IRAG2: variants seen among roughly 807,000 people sequenced by gnomAD.
IRAG2 encodes inositol 1,4,5-triphosphate receptor associated 2, also known as lymphoid restricted membrane protein.
IRAG2 carries 45 observed loss-of-function variants against 69.9 expected under a neutral mutation model. That is an observed-to-expected ratio of 0.64 (90% CI 0.51 to 0.83). The LOEUF (loss-of-function observed/expected upper bound fraction) is 0.83. Ranked by LOEUF, IRAG2 falls within the 40% of genes least tolerant of loss-of-function variation. The pLI, the probability that IRAG2 is intolerant of heterozygous loss-of-function variation, is 0.00. For missense variants in IRAG2, 520 were observed against 587.0 expected, an observed-to-expected ratio of 0.89 and a Z score of 1.18; for synonymous variants, 193 against 202.4, an observed-to-expected ratio of 0.95 and a Z score of 0.40.
intron 5 of IRAG2, 84 bp from the exon 6 acceptor site, chr12:25,069,266 A>G (rs1946174861): frequency 3.2e-6 from 2 of 633,394 alleles, no homozygotes; most frequent in Admixed American, 5.7e-5. Flanking sequence ...GGCGTAGGGG[A>G]GTGAGAACCA....
intron 3 of IRAG2, among the ~76,000 whole-genome samples, chr12:25,012,777 G>A (rs1057006274): frequency 6.6e-6 from 1 of 152,140 alleles, no homozygotes; most frequent in Non-Finnish European, 1.5e-5. Context: ...GAAGTGAGCC[G>A]AGATCGTGCC....
At chr12:25,046,644 A>G (rs1319562570) in intron 16 of IRAG2, among the ~76,000 whole-genome samples, 1 of 152,156 alleles carries the variant, frequency 6.6e-6, no homozygotes, top group African/African-American at 2.4e-5. Context: ...ACATATAATA[A>G]AAACTACAAA....
chr12:25,012,752 T>C (rs886194557), intron 3 of IRAG2, among the ~76,000 whole-genome samples: 2 of 152,030 alleles, frequency 1.3e-5, no homozygotes, highest in African/African-American at 4.8e-5. Context: ...TGCTTGAACC[T>C]GGGAGGTGGA....
chr12:25,043,768 G>A (rs1255085726), intron 16 of IRAG2, among the ~76,000 whole-genome samples: 1 of 152,198 alleles, frequency 6.6e-6, no homozygotes, highest in Non-Finnish European at 1.5e-5. Context: ...ACCAGTATGT[G>A]AAGACTGGGA....
intron 16 of IRAG2, among the ~76,000 whole-genome samples, chr12:25,101,560 G>A (rs1948749894): frequency 6.6e-6 from 1 of 152,292 alleles, no homozygotes; most frequent in Middle Eastern, 3.4e-3. Context: ...TTAGATTACT[G>A]AGATGACAGA....
chr12:25,079,463 G>A lies in IRAG2; in HGVS notation c.136+1G>A. 6.2e-7 allele frequency: 1 copy of A among 1,610,926 alleles called. No homozygotes were observed. The highest frequency in any genetic ancestry group is 1.1e-5 in the South Asian group (1 of 91,000). Reference sequence around the variant, plus strand: ...ACAGACGGTACTATAACTTCAAGTGGTAAGTGGATTTGGAAATAATATTAA... The same window carrying A: ...ACAGACGGTACTATAACTTCAAGTGATAAGTGGATTTGGAAATAATATTAA... On this transcript the variant is annotated splice_donor_variant, in intron 8 of 21. Transcript: ENST00000556887. LOFTEE classifies it high-confidence loss of function.
rs776741440 is a variant in IRAG2 at position 25,101,185 on chromosome 12, G to A, written c.749G>A (p.Arg250Gln). ...CGTTTTTTCTCTTGCTAGGAAAGCC[G>A]GGTTAGTAAAGCAGTTGAAGTGATG... ...EMLGAINQES[R>Q]VSKAVEVMIQ... Residue 250 changes from arginine (R) to glutamine (Q), a missense_variant, in exon 16 of 22, where the codon CGG (arginine) becomes CAG (glutamine). Arg to Gln is a conservative substitution (Grantham distance 43, BLOSUM62 1). Transcript: ENST00000556887. 6.9e-6 allele frequency: 11 copies of A among 1,595,352 alleles called. No homozygotes were observed. The African/African-American group carries it at 1.1e-4, about 16-fold the overall frequency.
intron 3 of IRAG2, chr12:25,011,560 A>G (rs1205191611): frequency 1.1e-5 from 13 of 1,228,600 alleles, no homozygotes; most frequent in Non-Finnish European, 1.3e-5. Flanking sequence ...TGGTAATCAG[A>G]GTCCTAGTGG....
chr12:25,012,579 G>A (rs996808510), intron 3 of IRAG2, among the ~76,000 whole-genome samples: 1 of 152,108 alleles, frequency 6.6e-6, no homozygotes, highest in African/African-American at 2.4e-5. Context: ...TGTAATCCCA[G>A]CATTTTGGGA....
At chr12:25,057,252 A>ATTTTTTTTT (rs368710047) in intron 1 of IRAG2, among the ~76,000 whole-genome samples, 4 of 89,048 alleles carry the variant, frequency 4.5e-5, no homozygotes, top group Admixed American at 1.7e-4. Flanking sequence ...AGGTAGACAG[A>ATTTTTTTTT]TTTTTTTTTT....
chr12:25,105,473 T>C (rs1054090638), intron 20 of IRAG2, among the ~76,000 whole-genome samples: 1 of 152,210 alleles, frequency 6.6e-6, no homozygotes, highest in Non-Finnish European at 1.5e-5. Context: ...TACCATGGGA[T>C]GGACACTCTG....
intron 2 of IRAG2, among the ~76,000 whole-genome samples, chr12:25,008,244 G>T (rs552474715): frequency 1.3e-5 from 2 of 152,230 alleles, no homozygotes; most frequent in East Asian, 3.9e-4. Context: ...TGCTATACTG[G>T]TGTCCTGAAG....
upstream of IRAG2, chr12:25,052,089 GTAAA>G: frequency 2.6e-6 from 1 of 387,312 alleles, no homozygotes; most frequent in Non-Finnish European, 4.5e-6. Flanking sequence ...GCATTTATAT[GTAAA>G]TACTTTCACT....
At chr12:25,058,583 G>A (rs947934541) in intron 1 of IRAG2, among the ~76,000 whole-genome samples, 2 of 152,090 alleles carry the variant, frequency 1.3e-5, no homozygotes, top group African/African-American at 2.4e-5. Flanking sequence ...TACAAGCCCC[G>A]TACTCTATAA....
chr12:25,042,566 A>G (rs186572096), intron 16 of IRAG2, among the ~76,000 whole-genome samples: 46 of 152,104 alleles, frequency 3.0e-4, no homozygotes, highest in African/African-American at 1.0e-3. Context: ...CCCAGGTTCA[A>G]GTGATTCTCC....
At chr12:25,023,422 T>C (rs1944598540) in intron 7 of IRAG2, among the ~76,000 whole-genome samples, 1 of 152,036 alleles carries the variant, frequency 6.6e-6, no homozygotes, top group Admixed American at 6.6e-5. Flanking sequence ...TTTCTGATGG[T>C]TCTGAATTTG....
intron 20 of IRAG2, among the ~76,000 whole-genome samples, chr12:25,105,323 G>A (rs375776616): frequency 2.0e-4 from 30 of 152,136 alleles, no homozygotes; most frequent in Admixed American, 1.5e-3. Context: ...TGATCCGCCC[G>A]CCTCGGCCTC....
rs143456994 is a variant in IRAG2, at chr12:25,082,251, C to T, written c.245-1172C>T. On this transcript the variant is annotated intron_variant, in intron 9 of 21. Transcript: ENST00000556887. ...AAATTTTCACTGTAAAACATTTTTA[C>T]GCTTTTTGATTTATGAACCATATGA... is the stretch of plus-strand genomic sequence containing the variant. Among the ~76,000 whole-genome samples the T allele has an allele frequency of 3.7e-3, 570 of 152,180 alleles. 1 individual carries two copies. The highest frequency in any genetic ancestry group is 0.013 in the African/African-American group (523 of 41,522).
intron 14 of IRAG2, among the ~76,000 whole-genome samples, chr12:25,096,479 A>T (rs1386300089): frequency 6.6e-6 from 1 of 152,214 alleles, no homozygotes; most frequent in East Asian, 1.9e-4. Flanking sequence ...ATATTCACCT[A>T]GCCAGCCCAG....
Sources: allele counts gnomAD v4.1 joint callset (sites outside exome capture counted in the v4.1 genomes callset), GRCh38; gene constraint gnomAD v4.1.1; transcripts MANE v1.5; gene names NCBI Gene and HGNC (gene_info 2026-07-23, HGNC 2026-07-21).